The following ADAM22 variants were observed in gnomAD, a reference collection of about 807,000 sequenced individuals.
ADAM22 encodes disintegrin and metalloproteinase domain-containing protein 22.
ADAM22 carries 65 observed loss-of-function variants against 144.6 expected under a neutral mutation model. The ratio of observed to expected loss-of-function variants is 0.45; its 90% confidence interval spans 0.37 to 0.55. The LOEUF is 0.55. ADAM22 is among the 20% of genes least tolerant of loss of function. ADAM22 has a pLI of 0.00. For synonymous variants in ADAM22, 391 were observed against 412.6 expected (o/e 0.95, Z 0.63); for missense variants, 974 against 1,184.9 (o/e 0.82, Z 2.61).
intron 3 of ADAM22, among the ~76,000 whole-genome samples, chr7:87,982,060 T>TACACACAC (rs1325628045): frequency 5.0e-5 from 6 of 120,434 alleles, no homozygotes; most frequent in East Asian, 3.5e-4. Context: ...TATATATATA[T>TACACACAC]ATATATATAC....
intron 3 of ADAM22, among the ~76,000 whole-genome samples, chr7:88,039,465 ATAT>A (rs1335787417): frequency 1.3e-4 from 11 of 84,008 alleles, no homozygotes; most frequent in African/African-American, 4.3e-4. Flanking sequence ...AAAAAAAAAA[ATAT>A]ATATATATAT....
At chr7:88,026,177 A>T (rs953747569) in intron 3 of ADAM22, among the ~76,000 whole-genome samples, 1 of 152,186 alleles carries the variant, frequency 6.6e-6, no homozygotes, top group Non-Finnish European at 1.5e-5. Flanking sequence ...TGGATAATTT[A>T]TAAAGAAAAG....
At chr7:88,044,933 C>T (rs1343340011) in intron 3 of ADAM22, among the ~76,000 whole-genome samples, 1 of 150,368 alleles carries the variant, frequency 6.7e-6, no homozygotes, top group African/African-American at 2.5e-5. Flanking sequence ...CCATGTTGGC[C>T]AGGCTGGTTT....
At chr7:88,051,200 G>A (rs1368563913) in intron 3 of ADAM22, among the ~76,000 whole-genome samples, 1 of 152,120 alleles carries the variant, frequency 6.6e-6, no homozygotes, top group Admixed American at 6.5e-5. Flanking sequence ...CCCATTACTG[G>A]ATATATACCC....
chr7:88,023,876 GCTCT>G (rs1333316817), intron 3 of ADAM22, among the ~76,000 whole-genome samples: 3 of 149,526 alleles, frequency 2.0e-5, no homozygotes, highest in Non-Finnish European at 4.5e-5. Flanking sequence ...CCATTATTCT[GCTCT>G]CTATCTCTAT....
intron 3 of ADAM22, among the ~76,000 whole-genome samples, chr7:87,981,178 A>G (rs1156362152): frequency 1.3e-5 from 2 of 152,158 alleles, no homozygotes; most frequent in African/African-American, 4.8e-5. Flanking sequence ...GACAAAAACC[A>G]CACATAGTCC....
rs1477266570 is a variant in ADAM22 at position 88,149,207 on chromosome 7, G to T, written c.1566+150G>T. On this transcript the variant is annotated intron_variant, in intron 18 of 31. Coordinates refer to ENST00000413139, the MANE Select transcript of ADAM22 (RefSeq NM_001324418.2). Reference sequence around the variant, plus strand: ...TTTTTTTAGGAATTTAAGTTTCAGTGATTGAAGCTTGAGCAGATTTTGAAC... The same window carrying T: ...TTTTTTTAGGAATTTAAGTTTCAGTTATTGAAGCTTGAGCAGATTTTGAAC... 4.7e-6 allele frequency: 3 copies of T among 643,708 alleles called. No individual in the cohort carries two copies. The East Asian group carries it at 9.0e-5, about 19-fold the overall frequency. 39.9% of individuals were successfully genotyped at this position (643,708 alleles called of 1,614,324 possible). A position where few individuals can be genotyped will look rare whatever the true frequency, so the allele number is the denominator to read the frequency against.
At chr7:88,023,820 C>T (rs1189714293) in intron 3 of ADAM22, among the ~76,000 whole-genome samples, 1 of 139,476 alleles carries the variant, frequency 7.2e-6, no homozygotes, top group Non-Finnish European at 1.7e-5. Context: ...CTTAGCTACC[C>T]CCACTTCCCC....
intron 29 of ADAM22, 135 bp from the exon 30 acceptor site, chr7:88,186,480 C>T: frequency 1.4e-6 from 1 of 726,528 alleles, no homozygotes; most frequent in Non-Finnish European, 2.5e-6. Context: ...CATAATCACC[C>T]AACATCCATT....
At chr7:88,059,320 G>C (rs182281176) in intron 3 of ADAM22, among the ~76,000 whole-genome samples, 9 of 152,146 alleles carry the variant, frequency 5.9e-5, no homozygotes, top group Non-Finnish European at 1.3e-4. Flanking sequence ...AGCCAAGGAC[G>C]ATCAGCTGTT....
At chr7:87,951,108 T>G (rs1384153982) in intron 2 of ADAM22, among the ~76,000 whole-genome samples, 6 of 152,084 alleles carry the variant, frequency 3.9e-5, no homozygotes, top group Non-Finnish European at 8.8e-5. Flanking sequence ...ACTCTGATGG[T>G]AGTTTCTTTT....
intron 4 of ADAM22, among the ~76,000 whole-genome samples, chr7:88,102,131 C>T (rs1396195999): frequency 6.6e-6 from 1 of 152,186 alleles, no homozygotes; most frequent in East Asian, 1.9e-4. Context: ...AAAAGGATGT[C>T]CAGGATATGG....
intron 30 of ADAM22, among the ~76,000 whole-genome samples, chr7:88,192,166 C>T (rs551976865): frequency 6.6e-6 from 1 of 152,188 alleles, no homozygotes. Context: ...AACACTTTTG[C>T]TATAAGGTGG....
chr7:88,094,542 G>A (rs559608180), intron 4 of ADAM22, among the ~76,000 whole-genome samples: 14 of 152,248 alleles, frequency 9.2e-5, no homozygotes, highest in African/African-American at 3.1e-4. Context: ...GAAGAATCAG[G>A]TACAATGTAA....
At chr7:88,127,646 G>A (rs1246871161) in intron 8 of ADAM22, among the ~76,000 whole-genome samples, 2 of 151,464 alleles carry the variant, frequency 1.3e-5, no homozygotes, top group Non-Finnish European at 2.9e-5. Context: ...AATCCATGTG[G>A]GAGCATTTTT....
rs533783847 is a variant in ADAM22, at chr7:88,131,064, G to C, written c.826-205G>C. On this transcript the variant is annotated intron_variant, in intron 10 of 31. Coordinates refer to ENST00000413139, the MANE Select transcript of ADAM22 (RefSeq NM_001324418.2). Reference sequence around the variant, plus strand: ...GGTATTTGTCAAAAAGGGATCTTTTGTTTCCAAAAAGTGCTCTGTTCTTTG... The same window carrying C: ...GGTATTTGTCAAAAAGGGATCTTTTCTTTCCAAAAAGTGCTCTGTTCTTTG... Among the ~76,000 whole-genome samples, 9 of 152,146 alleles carry C rather than the reference G, an allele frequency of 5.9e-5. No individual in the cohort carries two copies. In the South Asian group the frequency reaches 1.7e-3, roughly 28 times the overall value.
intron 3 of ADAM22, among the ~76,000 whole-genome samples, chr7:87,983,815 C>T (rs1328050968): frequency 6.6e-6 from 1 of 151,708 alleles, no homozygotes; most frequent in East Asian, 1.9e-4. Context: ...TATCTTTTGT[C>T]TTATATTTTA....
At chr7:88,061,802 A>G (rs575588041) in intron 3 of ADAM22, among the ~76,000 whole-genome samples, 2 of 151,776 alleles carry the variant, frequency 1.3e-5, no homozygotes, top group East Asian at 1.9e-4. Context: ...AGCCCTAAAC[A>G]AAAGAGTCAG....
At chr7:87,937,783 G>C (rs1841584650) in intron 2 of ADAM22, among the ~76,000 whole-genome samples, 1 of 152,162 alleles carries the variant, frequency 6.6e-6, no homozygotes. Context: ...TAGGATTTAG[G>C]TTTAAAAGTA....
Sources: gnomAD v4.1 joint callset for allele counts (sites outside exome capture counted in the v4.1 genomes callset) on GRCh38, gnomAD v4.1.1 for gene constraint, MANE v1.5 for transcripts, NCBI Gene and HGNC (gene_info 2026-07-23, HGNC 2026-07-21) for gene names.